SPRYD3: variants seen among roughly 807,000 people sequenced by gnomAD.
SPRYD3 encodes the protein SPRY domain-containing protein 3.
In SPRYD3, 17 loss-of-function variants were observed where a neutral mutation model predicts 50.1. The ratio of observed to expected loss-of-function variants is 0.34; its 90% CI spans 0.23 to 0.51. The LOEUF is 0.51. Among genes scored for constraint, SPRYD3 ranks in the 20% least tolerant of loss-of-function variants. The pLI is 0.97. For missense variants in SPRYD3, 401 were observed against 591.2 expected (o/e 0.68, Z 3.34); for synonymous variants, 198 against 215.5 (o/e 0.92, Z 0.71).
intron 7 of SPRYD3, 26 bp downstream of exon 7, chr12:53,068,129 C>G (rs967132362): frequency 6.2e-7 from 1 of 1,613,804 alleles, no homozygotes; most frequent in Admixed American, 1.7e-5. Context: ...GCTCCATGAG[C>G]AAAAAAGCTC....
rs1028126212 is a variant in SPRYD3 at position 53,068,454 on chromosome 12, A to C, written c.694-150T>G. On this transcript the variant is annotated intron_variant, in intron 6 of 10. Coordinates refer to ENST00000301463, the MANE Select transcript of SPRYD3 (RefSeq NM_032840.3). ...AATCCTAGAGATACAATGTGGCCCC[A>C]AAGTTCTAGGCCAGCATGGAAGAGC... The C allele has an allele frequency of 8.4e-5, 83 of 988,268 alleles. 1 individual carries two copies. The Middle Eastern group carries it at 1.9e-3, about 23-fold the overall frequency. The allele number at this position is 988,268 out of a possible 1,614,324, so 61.2% of individuals were successfully genotyped here. A position where few individuals can be genotyped will look rare whatever the true frequency, so the allele number is the denominator to read the frequency against.
chr12:53,078,176 C>G (rs1384441048), intron 1 of SPRYD3: 1 of 404,558 alleles, frequency 2.5e-6, no homozygotes, highest in Admixed American at 2.8e-5. Context: ...AAGACCCTGT[C>G]TCAAAAAAAA....
chr12:53,077,176 C>A lies in SPRYD3; in HGVS notation c.109G>T (p.Val37Phe), dbSNP rs1481319578. Residue 37 changes from valine to phenylalanine, a missense_variant, in exon 2 of 11, where the codon GTC becomes TTC. Coordinates refer to ENST00000301463, the MANE Select transcript of SPRYD3 (RefSeq NM_032840.3). The part of the protein sequence containing the change: ...WRRRIREIRE[V>F]RAFRYQERFK... ...CTCTCCTGATATCGGAAAGCTCGGA[C>A]CTCTCGAATCTCCCGGATCCGCCGG... is the stretch of plus-strand genomic sequence containing the variant. 1.2e-6 allele frequency: 2 copies of A among 1,614,104 alleles called. No individual in the cohort carries two copies. The highest frequency in any genetic ancestry group is 1.7e-6 in the Non-Finnish European group (2 of 1,180,032).
intron 8 of SPRYD3, 24 bp downstream of exon 8, chr12:53,067,623 CT>C (rs1442479264): frequency 6.2e-7 from 1 of 1,613,028 alleles, no homozygotes; most frequent in East Asian, 2.2e-5. Context: ...ACCATCCCAC[CT>C]TTCCCAGGCA....
chr12:53,069,412 C>T (rs895086453), intron 6 of SPRYD3, among the ~76,000 whole-genome samples: 1 of 152,192 alleles, frequency 6.6e-6, no homozygotes, highest in South Asian at 2.1e-4. Context: ...TTATGCCCAC[C>T]TGCACCAGCA....
At chr12:53,073,037 T>A in intron 6 of SPRYD3, 1 of 406,706 alleles carries the variant, frequency 2.5e-6, no homozygotes, top group Non-Finnish European at 4.4e-6. Context: ...GAACTACTTG[T>A]TCCCAGGGTC....
Position 53,075,229 on chromosome 12 carries a change from A to G in SPRYD3, c.247-10T>C. 6.3e-7 allele frequency: 1 copy of G among 1,595,326 alleles called. No homozygotes were observed. Reference sequence around the variant, plus strand: ...TGTCCACAATAGACACCTGGAGAGAAGAAAGCAGGGCACAGTCAGCAGGGC... The same window carrying G: ...TGTCCACAATAGACACCTGGAGAGAGGAAAGCAGGGCACAGTCAGCAGGGC... On this transcript the variant is annotated splice_polypyrimidine_tract_variant and intron_variant, in intron 3 of 10. Coordinates refer to ENST00000301463, the MANE Select transcript of SPRYD3 (RefSeq NM_032840.3).
chr12:53,068,389 T>C, intron 6 of SPRYD3, 85 bp from the exon 7 acceptor site: 2 of 1,510,564 alleles, frequency 1.3e-6, no homozygotes, highest in Non-Finnish European at 1.8e-6. Flanking sequence ...TGGGTCCCAC[T>C]TTCCCAGGTC....
intron 2 of SPRYD3, among the ~76,000 whole-genome samples, chr12:53,076,082 T>C (rs7959769): frequency 0.012 from 1,786 of 152,308 alleles, 35 homozygotes; most frequent in African/African-American, 0.041. Flanking sequence ...GAGCCTCCCT[T>C]ACTTGCCTAA....
chr12:53,077,071 T>C (rs1944594420), intron 2 of SPRYD3, 44 bp downstream of exon 2: 3 of 1,591,882 alleles, frequency 1.9e-6, no homozygotes, highest in Non-Finnish European at 2.6e-6. Context: ...CTCTCTAAGA[T>C]CTGGAACAGA....
At chr12:53,068,037 G>T in intron 7 of SPRYD3, 118 bp downstream of exon 7, 2 of 1,181,732 alleles carry the variant, frequency 1.7e-6, no homozygotes, top group Non-Finnish European at 2.4e-6. Flanking sequence ...TCTCAGCTTA[G>T]CACCCTCCCT....
intron 8 of SPRYD3, among the ~76,000 whole-genome samples, chr12:53,067,168 A>G (rs1944516058): frequency 6.6e-6 from 1 of 151,764 alleles, no homozygotes; most frequent in South Asian, 2.1e-4. Flanking sequence ...ACCAAATAAA[A>G]TAAAGAGACG....
At chr12:53,073,256 G>GGCCCGGGGGGGGGGCC in intron 6 of SPRYD3, 30 bp downstream of exon 6, 1 of 424,134 alleles carries the variant, frequency 2.4e-6, no homozygotes, top group East Asian at 3.8e-5. Flanking sequence ...CTCCGACCCA[G>GGCCCGGGGGGGGGGCC]CCCCTCCCAC....
chr12:53,065,703 A>G lies in SPRYD3; in HGVS notation c.*129T>C. ...GAGAAGCGTGACAGGGGCCTGAGCCAGTGGGGGCAGAGTGACTACACACCT... is the reference window on the plus strand; with the variant it reads ...GAGAAGCGTGACAGGGGCCTGAGCCGGTGGGGGCAGAGTGACTACACACCT... On this transcript the variant is annotated 3_prime_UTR_variant, in exon 11 of 11. Coordinates refer to ENST00000301463, the MANE Select transcript of SPRYD3 (RefSeq NM_032840.3). The G allele has an allele frequency of 1.1e-6, 1 of 948,834 alleles. No homozygotes were observed. The highest frequency in any genetic ancestry group is 1.6e-6 in the Non-Finnish European group (1 of 619,970). 58.8% of individuals were successfully genotyped at this position (948,834 alleles called of 1,614,324 possible). A position where few individuals can be genotyped will look rare whatever the true frequency, so the allele number is the denominator to read the frequency against.
intron 2 of SPRYD3, among the ~76,000 whole-genome samples, chr12:53,076,469 C>T (rs1944589467): frequency 6.6e-6 from 1 of 152,198 alleles, no homozygotes; most frequent in Non-Finnish European, 1.5e-5. Context: ...ATCTCTGAAA[C>T]AGCCACTCTT....
chr12:53,078,750 G>A lies in SPRYD3; in HGVS notation c.23+561C>T, dbSNP rs146114484. 1.4e-4 allele frequency among the ~76,000 whole-genome samples: 22 copies of A among 152,292 alleles called. 1 individual carries two copies. Among genetic ancestry groups the A allele is most frequent in the African/African-American group, 5.1e-4 (21 of 41,552 alleles). On this transcript the variant is annotated intron_variant, in intron 1 of 10. Coordinates refer to ENST00000301463, the MANE Select transcript of SPRYD3 (RefSeq NM_032840.3). ...TCCTGGGAGCCAAAAGTGAGAAAGAGGTGAAGTACTCTTCTCTTCCCATTC... is the reference window on the plus strand; with the variant it reads ...TCCTGGGAGCCAAAAGTGAGAAAGAAGTGAAGTACTCTTCTCTTCCCATTC...
At chr12:53,066,211 T>G in intron 10 of SPRYD3, 103 bp downstream of exon 10, 1 of 1,540,116 alleles carries the variant, frequency 6.5e-7, no homozygotes, top group East Asian at 2.3e-5. Flanking sequence ...ACGCCAGAGC[T>G]TCCCGTCTTT....
At chr12:53,068,397 G>A in intron 6 of SPRYD3, 93 bp from the exon 7 acceptor site, 3 of 1,459,152 alleles carry the variant, frequency 2.1e-6, no homozygotes, top group Non-Finnish European at 2.8e-6. Context: ...ACTTTCCCAG[G>A]TCTGACAAAA....
In SPRYD3 at chr12:53,065,829, G is replaced by A. The variant is rs1298934290; in HGVS notation, c.*3C>T. ...GAGAAGGAGCAGGTCTGGAGGGGAG[G>A]CCCTAGCCACTCAAGGGGTGCAGAT... On this transcript the variant is annotated 3_prime_UTR_variant, in exon 11 of 11. Transcript: ENST00000301463. The A allele has an allele frequency of 1.9e-6, 3 of 1,611,614 alleles. No homozygotes were observed. The African/African-American group carries it at 4.0e-5, about 22-fold the overall frequency.
Sources: allele counts gnomAD v4.1 joint callset (sites outside exome capture counted in the v4.1 genomes callset), GRCh38; gene constraint gnomAD v4.1.1; transcripts MANE v1.5; gene names NCBI Gene and HGNC (gene_info 2026-07-23, HGNC 2026-07-21).